CD34: variants seen among roughly 807,000 people sequenced by gnomAD.
CD34 encodes the protein hematopoietic progenitor cell antigen CD34.
CD34 carries 34 observed loss-of-function variants against 40.1 expected under a neutral mutation model. That is an observed-to-expected ratio of 0.85 (90% confidence interval 0.65 to 1.13). CD34 has a LOEUF of 1.13. Among genes scored for constraint, CD34 ranks in the 50% most tolerant of loss-of-function variants. CD34 has a pLI of 0.00. For synonymous variants in CD34, 209 were observed against 190.0 expected, an observed-to-expected ratio of 1.10 and a Z score of -0.82; for missense variants, 426 against 466.9, an observed-to-expected ratio of 0.91 and a Z score of 0.81.
intron 1 of CD34, among the ~76,000 whole-genome samples, chr1:207,900,418 A>C (rs115942567): frequency 0.011 from 1,681 of 152,356 alleles, 19 homozygotes; most frequent in South Asian, 0.028. Context: ...ACATACTAAA[A>C]TATAAAATTA....
At chr1:207,902,587 C>T (rs1662293698) in intron 1 of CD34, among the ~76,000 whole-genome samples, 1 of 152,196 alleles carries the variant, frequency 6.6e-6, no homozygotes, top group African/African-American at 2.4e-5. Flanking sequence ...CTCTTCTTGC[C>T]TGCTCTCTTC....
intron 6 of CD34, 108 bp from the exon 7 acceptor site, chr1:207,888,954 T>A: frequency 8.8e-7 from 1 of 1,140,584 alleles, no homozygotes; most frequent in Non-Finnish European, 1.3e-6. Context: ...CTTGAGGGCA[T>A]TGACCTCAGG....
intron 4 of CD34, 168 bp from the exon 5 acceptor site, chr1:207,889,789 C>G (rs118065520): frequency 5.1e-6 from 8 of 1,575,522 alleles, no homozygotes; most frequent in Non-Finnish European, 6.8e-6. Context: ...ATATGTGCAA[C>G]AACACAATAA....
intron 3 of CD34, among the ~76,000 whole-genome samples, chr1:207,898,049 T>G (rs1571773801): frequency 6.6e-6 from 1 of 151,064 alleles, no homozygotes; most frequent in African/African-American, 2.4e-5. Flanking sequence ...ATTTATTTAT[T>G]TATTTATTTA....
intron 4 of CD34, chr1:207,890,015 G>A: frequency 7.2e-7 from 1 of 1,395,346 alleles, no homozygotes; most frequent in Non-Finnish European, 9.2e-7. Flanking sequence ...AGTCCCCAAT[G>A]ATGGAAGAAA....
intron 4 of CD34, chr1:207,890,141 G>T (rs566857177): frequency 3.8e-6 from 4 of 1,060,862 alleles, no homozygotes; most frequent in Non-Finnish European, 4.5e-6. Flanking sequence ...TGCTCAAACT[G>T]AAATGGCATT....
Position 207,884,222 on chromosome 1 carries a change from C to T in CD34, c.*3516G>A, listed in dbSNP as rs1421627011. On this transcript the variant is annotated 3_prime_UTR_variant, in exon 8 of 8. Transcript: ENST00000310833. ...TCCACTTCATTCAAGTGAAGCTGTG[C>T]TCTCCACTGTTATTTTTCTAAAAGT... is the stretch of plus-strand genomic sequence containing the variant. 3 of 152,260 alleles carry T rather than the reference C, an allele frequency of 2.0e-5. No homozygotes were observed. Among genetic ancestry groups the T allele is most frequent in the Non-Finnish European group, 4.4e-5 (3 of 68,052 alleles). 9.4% of individuals were successfully genotyped at this position (152,260 alleles called of 1,614,324 possible).
chr1:207,888,908 C>G (rs116284765), intron 6 of CD34, 62 bp from the exon 7 acceptor site: 9 of 1,541,216 alleles, frequency 5.8e-6, no homozygotes, highest in South Asian at 2.3e-5. Context: ...CCAGCCCGCT[C>G]CAGCCCTCTG....
At chr1:207,908,787 G>GACAGCCC (rs1197234238) in intron 1 of CD34, among the ~76,000 whole-genome samples, 2 of 152,106 alleles carry the variant, frequency 1.3e-5, no homozygotes, top group Non-Finnish European at 2.9e-5. Context: ...TTCCAACAAA[G>GACAGCCC]ACAGCCCACT....
chr1:207,888,808 G>A lies in CD34; in HGVS notation c.846C>T (p.Ser282=), dbSNP rs1473142187. ...ILDFTEQDVA[S]HQSYSQKTLI... is the part of the protein sequence containing the mutation. The stretch of plus-strand genomic sequence containing the variant: ...GGGTCTTTTGGGAATAGCTCTGGTG[G>A]CTTGCAACATCTTGCTCAGTGAAAT... The change falls in exon 7 of 8, where the codon AGC becomes AGT. Residue 282 remains serine (S), a synonymous_variant. Transcript: ENST00000310833. 2.5e-6 allele frequency: 4 copies of A among 1,614,090 alleles called. No homozygotes were observed. The African/African-American group carries it at 5.3e-5, about 22-fold the overall frequency.
Position 207,887,790 on chromosome 1 carries a change from G to C in CD34, c.1106C>G (p.Ser369Cys). Reference protein sequence around the residue: ...AQENGTGQATSRNGHSARQHV... With the variant: ...AQENGTGQATCRNGHSARQHV... Reference sequence around the variant, plus strand: ...TTGTCTTGCTGAATGGCCGTTTCTGGAGGTGGCCTGGCCGGTCCCGTTTTC... The same window carrying C: ...TTGTCTTGCTGAATGGCCGTTTCTGCAGGTGGCCTGGCCGGTCCCGTTTTC... Residue 369 changes from serine (S) to cysteine (C), a missense_variant, in exon 8 of 8, where the codon TCC (serine) becomes TGC (cysteine). Transcript: ENST00000310833. 1 of 1,614,186 alleles carries C rather than the reference G, an allele frequency of 6.2e-7. No homozygotes were observed. Among genetic ancestry groups the C allele is most frequent in the Non-Finnish European group, 8.5e-7 (1 of 1,180,034 alleles).
chr1:207,911,064 C>G lies in CD34; in HGVS notation c.17G>C (p.Gly6Ala), dbSNP rs1401018833. 1 of 1,587,128 alleles carries G rather than the reference C, an allele frequency of 6.3e-7. No homozygotes were observed. The highest frequency in any genetic ancestry group is 1.1e-5 in the South Asian group (1 of 87,934). ...CGGCATCCTGGGCCCTGCGCGCGCG[C>G]CCCTGCGGACCAGCATCCTTCCCGC... MLVRR[G>A]ARAGPRMPRG... The change falls in exon 1 of 8, where the codon GGC becomes GCC. Residue 6 changes from glycine (G) to alanine (A), a missense_variant. By Grantham distance (60) the Gly-to-Ala change is moderately conservative (BLOSUM62 0). Transcript: ENST00000310833.
chr1:207,899,131 CTG>C lies in CD34; in HGVS notation c.356_357del (p.Thr119SerfsTer18). ...GAAACGTTGGCTGGGGTGGTGAACA[CTG>C]TGCTGATTACAGAGGTCTGTGACTG... Reference protein sequence around the residue: ...SVQSQTSVISTVFTTPANVST... With the variant: ...SVQSQTSVISXVFTTPANVST... On this transcript the variant is annotated frameshift_variant, in exon 3 of 8. Coordinates refer to ENST00000310833, the MANE Select transcript of CD34 (RefSeq NM_001025109.2). LOFTEE classifies it high-confidence loss of function. The C allele has an allele frequency of 1.2e-6, 2 of 1,614,212 alleles. No homozygotes were observed. Among genetic ancestry groups the C allele is most frequent in the African/African-American group, 1.3e-5 (1 of 75,054 alleles).
chr1:207,889,154 G>C lies in CD34; in HGVS notation c.807+7C>G, dbSNP rs751705949. ...CCCTCTCAGGCCCATCATCTCAGAGGACTTACCTTTTTCAGGTCAGATTGG... is the reference window on the plus strand; with the variant it reads ...CCCTCTCAGGCCCATCATCTCAGAGCACTTACCTTTTTCAGGTCAGATTGG... On this transcript the variant is annotated splice_region_variant and intron_variant, in intron 6 of 7. Transcript: ENST00000310833. The C allele has an allele frequency of 2.0e-6, 3 of 1,520,090 alleles. No homozygotes were observed. Among genetic ancestry groups the C allele is most frequent in the Non-Finnish European group, 2.7e-6 (3 of 1,094,270 alleles). The allele number at this position is 1,520,090 out of a possible 1,614,324, so 94.2% of individuals were successfully genotyped here.
At chr1:207,889,775 C>T (rs759582347) in intron 4 of CD34, 154 bp from the exon 5 acceptor site, 2 of 1,576,894 alleles carry the variant, frequency 1.3e-6, no homozygotes, top group Admixed American at 4.0e-5. Context: ...AAACTGCTAA[C>T]TGTATATGTG....
At chr1:207,889,328 A>G (rs1661979810) in intron 5 of CD34, 115 bp from the exon 6 acceptor site, 1 of 1,555,264 alleles carries the variant, frequency 6.4e-7, no homozygotes, top group Non-Finnish European at 8.8e-7. Context: ...TCTCGGGGGG[A>G]CCGCTCCCAA....
At chr1:207,900,469 G>A (rs1662251476) in intron 1 of CD34, among the ~76,000 whole-genome samples, 1 of 152,070 alleles carries the variant, frequency 6.6e-6, no homozygotes, top group Non-Finnish European at 1.5e-5. Context: ...TGTGCAAAAG[G>A]TCATGCTTCT....
chr1:207,904,382 T>C (rs1191202716), intron 1 of CD34, among the ~76,000 whole-genome samples: 1 of 152,146 alleles, frequency 6.6e-6, no homozygotes, highest in Non-Finnish European at 1.5e-5. Flanking sequence ...AAGTAGGCCG[T>C]TGGGAGCCAC....
At chr1:207,902,984 C>A (rs2102304497) in intron 1 of CD34, among the ~76,000 whole-genome samples, 1 of 152,230 alleles carries the variant, frequency 6.6e-6, no homozygotes, top group Non-Finnish European at 1.5e-5. Context: ...GGCTCTGACC[C>A]CAGGGTGAGC....
Sources: gnomAD v4.1 joint callset for allele counts (sites outside exome capture counted in the v4.1 genomes callset) on GRCh38, gnomAD v4.1.1 for gene constraint, MANE v1.5 for transcripts, NCBI Gene and HGNC (gene_info 2026-07-23, HGNC 2026-07-21) for gene names.